The following POU3F3 variants were observed in gnomAD, a reference collection of about 807,000 sequenced individuals.
The protein encoded by POU3F3 is POU class 3 homeobox 3.
A neutral mutation model predicts 8.6 loss-of-function variants in POU3F3; 1 was observed. That is an observed-to-expected ratio of 0.12 (90% confidence interval 0.04 to 0.55). The LOEUF is 0.55. Among genes scored for constraint, POU3F3 ranks in the 20% least tolerant of loss-of-function variants. The pLI is 0.91. For missense variants in POU3F3, 577 were observed against 690.7 expected, an observed-to-expected ratio of 0.84 and a Z score of 1.84; for synonymous variants, 418 against 327.4, an observed-to-expected ratio of 1.28 and a Z score of -2.99.
At chr2:104,872,099 T>G in the POU3F3 span, 1 of 398,516 alleles carries the variant, frequency 2.5e-6, no homozygotes, top group South Asian at 1.9e-5. This position sits in a 1 kb window ranked among gnomAD's most constrained non-coding sequence, Gnocchi z 4.6. Context: ...CACTCTTCCT[T>G]GCTCGGGAAA....
the POU3F3 span, among the ~76,000 whole-genome samples, chr2:104,916,436 T>C: frequency 2.6e-5 from 4 of 152,186 alleles, no homozygotes; most frequent in Non-Finnish European, 4.4e-5. Flanking sequence ...TGCGTGCCTC[T>C]GATTCAAAAT....
At position 104,855,830 on chromosome 2, in the gene POU3F3, CCGCCGCCGCTGCCGCCGCCGCCGCCGT is replaced by C; in HGVS notation, c.321_347del (p.Ala108_Val116del). The C allele has an allele frequency of 8.8e-7, 1 of 1,135,856 alleles. No homozygotes were observed. The highest frequency in any genetic ancestry group is 1.1e-6 in the Non-Finnish European group (1 of 924,870). 70.4% of individuals were successfully genotyped at this position (1,135,856 alleles called of 1,614,324 possible). On this transcript the variant is annotated inframe_deletion, in exon 1 of 1. Coordinates refer to ENST00000361360, the MANE Select transcript of POU3F3 (RefSeq NM_006236.3). ...ACAGCCCTGCCCCACGCCGCCGCCG[CCGCCGCCGCTGCCGCCGCCGCCGCCGT>C]GGAGGCGAGCTCGCCGTGGTCGGGC...
chr2:104,855,932 C>A lies in POU3F3; in HGVS notation c.422C>A (p.Pro141Gln). 1 of 1,061,782 alleles carries A rather than the reference C, an allele frequency of 9.4e-7. No individual in the cohort carries two copies. 65.8% of individuals were successfully genotyped at this position (1,061,782 alleles called of 1,614,324 possible). Residue 141 changes from proline (P) to glutamine (Q), a missense_variant, in exon 1 of 1, where the codon CCG becomes CAG. Pro to Gln is a moderately conservative substitution (Grantham distance 76). Transcript: ENST00000361360. ...GSPQQPPQPP[P>Q]PPPQGPDVKG... ...CCCCAGCAGCCACCGCAGCCGCCGC[C>A]GCCACCGCCGCAGGGCCCCGACGTG...
chr2:104,905,605 C>T, the POU3F3 span, among the ~76,000 whole-genome samples: 4 of 152,170 alleles, frequency 2.6e-5, no homozygotes, highest in Admixed American at 1.3e-4. Context: ...ATCAAGGTGT[C>T]GGCAGGGTCA....
the POU3F3 span, among the ~76,000 whole-genome samples, chr2:104,863,998 G>A: frequency 6.6e-6 from 1 of 152,224 alleles, no homozygotes; most frequent in East Asian, 1.9e-4. Context: ...TTCTTGGGCA[G>A]CCCCCGGCGC....
chr2:104,879,741 C>T, the POU3F3 span, among the ~76,000 whole-genome samples: 1 of 152,114 alleles, frequency 6.6e-6, no homozygotes, highest in East Asian at 1.9e-4. Context: ...ATCTCCTGTT[C>T]CCTAGCTGTG....
At chr2:104,916,530 C>T in the POU3F3 span, among the ~76,000 whole-genome samples, 11 of 152,294 alleles carry the variant, frequency 7.2e-5, no homozygotes, top group South Asian at 1.9e-3. Flanking sequence ...TGCTCTCAAG[C>T]TCACCTCTGT....
the POU3F3 span, among the ~76,000 whole-genome samples, chr2:104,895,998 G>A: frequency 6.6e-6 from 1 of 152,178 alleles, no homozygotes. Context: ...AGATGAGCAG[G>A]GAGTCTGTTT....
chr2:104,893,050 G>A, the POU3F3 span, among the ~76,000 whole-genome samples: 1 of 152,156 alleles, frequency 6.6e-6, no homozygotes, highest in Non-Finnish European at 1.5e-5. Flanking sequence ...TGTAAGGAGA[G>A]GGTGGCTCTG....
At chr2:104,910,162 C>T in the POU3F3 span, among the ~76,000 whole-genome samples, 1 of 152,242 alleles carries the variant, frequency 6.6e-6, no homozygotes, top group South Asian at 2.1e-4. Flanking sequence ...TTATGACAGA[C>T]TCAAGCACTA....
the POU3F3 span, among the ~76,000 whole-genome samples, chr2:104,909,723 C>T: frequency 1.4e-4 from 22 of 152,182 alleles, no homozygotes; most frequent in Admixed American, 3.3e-4. Context: ...TTTTACAAAG[C>T]GCAAGTGACT....
At chr2:104,912,302 C>T in the POU3F3 span, among the ~76,000 whole-genome samples, 1 of 152,300 alleles carries the variant, frequency 6.6e-6, no homozygotes, top group Admixed American at 6.5e-5. Context: ...GGGGAAGCCT[C>T]CATCGTAGCT....
At chr2:104,907,609 A>G in the POU3F3 span, among the ~76,000 whole-genome samples, 12 of 152,112 alleles carry the variant, frequency 7.9e-5, no homozygotes, top group African/African-American at 2.9e-4. Flanking sequence ...AGAAGCTACT[A>G]TTATTATTAT....
At chr2:104,913,193 T>G in the POU3F3 span, among the ~76,000 whole-genome samples, 1 of 148,402 alleles carries the variant, frequency 6.7e-6, no homozygotes, top group East Asian at 2.0e-4. Context: ...CCTGTTGGCT[T>G]TTTTTTTTTT....
downstream of POU3F3, among the ~76,000 whole-genome samples, chr2:104,861,544 G>A (rs1366630083): frequency 2.0e-5 from 3 of 152,196 alleles, no homozygotes; most frequent in Non-Finnish European, 4.4e-5. Flanking sequence ...GTTGTAATAA[G>A]AGTTGGGAGT....
At chr2:104,900,175 T>C in the POU3F3 span, among the ~76,000 whole-genome samples, 1 of 152,198 alleles carries the variant, frequency 6.6e-6, no homozygotes, top group Admixed American at 6.5e-5. Flanking sequence ...TCCAATTCTT[T>C]TCACCAATGG....
chr2:104,878,774 G>A, the POU3F3 span, among the ~76,000 whole-genome samples: 1 of 152,120 alleles, frequency 6.6e-6, no homozygotes, highest in African/African-American at 2.4e-5. Flanking sequence ...TGGGTGGGTG[G>A]CAAAGGTAGA....
At chr2:104,902,106 A>G in the POU3F3 span, among the ~76,000 whole-genome samples, 13 of 151,702 alleles carry the variant, frequency 8.6e-5, no homozygotes, top group African/African-American at 1.7e-4. Flanking sequence ...CCCTCTCCCT[A>G]TCTCTCCCTC....
At chr2:104,927,155 G>T in the POU3F3 span, among the ~76,000 whole-genome samples, 1 of 152,140 alleles carries the variant, frequency 6.6e-6, no homozygotes, top group East Asian at 1.9e-4. Context: ...AAAGGCAAGG[G>T]ATCTCTCTGG....
Sources: allele counts gnomAD v4.1 joint callset (sites outside exome capture counted in the v4.1 genomes callset), GRCh38; gene constraint gnomAD v4.1.1; non-coding constraint Gnocchi (gnomAD v3.1); transcripts MANE v1.5; gene names NCBI Gene and HGNC (gene_info 2026-07-23, HGNC 2026-07-21).